Variants in SLC25A22 observed in about 807,000 individuals in gnomAD.
The protein encoded by SLC25A22 is mitochondrial glutamate carrier 1.
Under a neutral mutation model 33.7 loss-of-function variants are expected in SLC25A22, and 23 were observed. The ratio of observed to expected loss-of-function variants is 0.68; its 90% CI spans 0.49 to 0.97. SLC25A22 has a LOEUF of 0.97. SLC25A22 is among the 50% of genes least tolerant of loss of function. SLC25A22 has a pLI of 0.00. For missense variants in SLC25A22, 390 were observed against 451.1 expected (o/e 0.86, Z 1.23); for synonymous variants, 245 against 203.8 (o/e 1.20, Z -1.72).
Position 791,894 on chromosome 11 carries a change from G to A in SLC25A22, c.*21C>T, listed in dbSNP as rs746754610. ...CCACACCGGCCCTGCCCAGCTGGCT[G>A]GGGTGGAGCGGGTGCTGGGCTCAGG... On this transcript the variant is annotated 3_prime_UTR_variant, in exon 10 of 10. Coordinates refer to ENST00000628067, the MANE Select transcript of SLC25A22 (RefSeq NM_001191061.2). 6.3e-7 allele frequency: 1 copy of A among 1,579,276 alleles called. No individual in the cohort carries two copies. The highest frequency in any genetic ancestry group is 8.5e-7 in the Non-Finnish European group (1 of 1,170,110).
Position 795,073 on chromosome 11 carries a change from G to A in SLC25A22, c.-67C>T. ...CCAGGCCAGGCGGGGTGGAGGTGGA[G>A]GTGGAGGAGGCCTTGAGGGAGGGTG... On this transcript the variant is annotated 5_prime_UTR_variant, in exon 2 of 10. Coordinates refer to ENST00000628067, the MANE Select transcript of SLC25A22 (RefSeq NM_001191061.2). 1 of 1,545,272 alleles carries A rather than the reference G, an allele frequency of 6.5e-7. No homozygotes were observed. Among genetic ancestry groups the A allele is most frequent in the Non-Finnish European group, 8.7e-7 (1 of 1,144,620 alleles).
chr11:792,847 C>T (rs1450652539), intron 6 of SLC25A22, 23 bp downstream of exon 6: 6 of 856,608 alleles, frequency 7.0e-6, no homozygotes, highest in African/African-American at 1.6e-5. Flanking sequence ...TCTGCCCTCT[C>T]CTCCCCCTCC....
At position 792,228 on chromosome 11, in the gene SLC25A22, C is replaced by T. The variant is rs904213277; in HGVS notation, c.743-11G>A. Reference sequence around the variant, plus strand: ...GCCGCGTCTTCACCACTGCAAGGGGCGCTCGGGTCAGTGTGAGCCTGGCCA... The same window carrying T: ...GCCGCGTCTTCACCACTGCAAGGGGTGCTCGGGTCAGTGTGAGCCTGGCCA... On this transcript the variant is annotated splice_polypyrimidine_tract_variant and intron_variant, in intron 8 of 9. Coordinates refer to ENST00000628067, the MANE Select transcript of SLC25A22 (RefSeq NM_001191061.2). 10 of 1,612,822 alleles carry T rather than the reference C, an allele frequency of 6.2e-6. No homozygotes were observed. The highest frequency in any genetic ancestry group is 3.3e-4 in the Middle Eastern group (2 of 6,084).
In SLC25A22 at chr11:792,452, G is replaced by A. The variant is rs1864577556; in HGVS notation, c.594C>T (p.Val198=). Residue 198 remains valine, a synonymous_variant, in exon 8 of 10, where the codon GTC becomes GTT. Transcript: ENST00000628067. ...GCGGGAAGTACACCACAGAGAAGGG[G>A]ACATCCCTGTGGGGAGGGAGGTGGC... ...KGLGATLLRD[V]PFSVVYFPLF... 1 of 1,613,358 alleles carries A rather than the reference G, an allele frequency of 6.2e-7. No individual in the cohort carries two copies. The highest frequency in any genetic ancestry group is 8.5e-7 in the Non-Finnish European group (1 of 1,179,934).
At chr11:797,353 G>T (rs768854814) in intron 1 of SLC25A22, among the ~76,000 whole-genome samples, 19 of 152,186 alleles carry the variant, frequency 1.2e-4, no homozygotes, top group Non-Finnish European at 2.5e-4. Flanking sequence ...CCCTCACTCG[G>T]CAGTTCCCAC....
chr11:795,752 C>T (rs1221778711), intron 1 of SLC25A22: 1 of 160,754 alleles, frequency 6.2e-6, no homozygotes, highest in Non-Finnish European at 1.4e-5. Context: ...CTTGCCCGCC[C>T]CTTCCTCCCC....
At position 793,396 on chromosome 11, in the gene SLC25A22, A is replaced by T. The variant is rs559008044; in HGVS notation, c.293+133T>A. 2.1e-4 allele frequency: 169 copies of T among 801,836 alleles called. 1 individual carries two copies. The Admixed American group carries it at 3.1e-3, about 15-fold the overall frequency. The allele number at this position is 801,836 out of a possible 1,614,324, so 49.7% of individuals were successfully genotyped here. On this transcript the variant is annotated intron_variant, in intron 5 of 9. Coordinates refer to ENST00000628067, the MANE Select transcript of SLC25A22 (RefSeq NM_001191061.2). ...CAGGGGAAAGGAGGGAGGGTGCCCC[A>T]CGAGGTCAAAGAAGCCCCAAGCAAG...
At chr11:795,406 CACACG>C (rs1864764651) in intron 1 of SLC25A22, 3 of 368,322 alleles carry the variant, frequency 8.1e-6, no homozygotes, top group African/African-American at 7.2e-5. Flanking sequence ...CAGCCAGCCT[CACACG>C]CCGCTCACGC....
chr11:795,380 AC>A lies in SLC25A22; in HGVS notation c.-163-212del, dbSNP rs1262913151. 7.0e-5 allele frequency: 13 copies of A among 185,892 alleles called. 1 individual carries two copies. Among genetic ancestry groups the A allele is most frequent in the Non-Finnish European group, 1.1e-4 (12 of 105,840 alleles). 11.5% of individuals were successfully genotyped at this position (185,892 alleles called of 1,614,324 possible). A position where few individuals can be genotyped will look rare whatever the true frequency, so the allele number is the denominator to read the frequency against. On this transcript the variant is annotated intron_variant, in intron 1 of 9. Coordinates refer to ENST00000628067, the MANE Select transcript of SLC25A22 (RefSeq NM_001191061.2). ...GCTTCCTTTCAGTCCCCCCCTCCCC[AC>A]CGCCAGCGTCTTCCCAGCCAGCCTC...
At chr11:794,548 C>G in intron 3 of SLC25A22, 35 bp from the exon 4 acceptor site, 2 of 1,608,224 alleles carry the variant, frequency 1.2e-6, no homozygotes, top group South Asian at 1.1e-5. Flanking sequence ...CCAGGGCCAG[C>G]TGGGGCCAGC....
At chr11:794,423 C>T in intron 4 of SLC25A22, 35 bp downstream of exon 4, 4 of 1,607,620 alleles carry the variant, frequency 2.5e-6, no homozygotes, top group Non-Finnish European at 3.4e-6. Context: ...CTACCCAGGC[C>T]TGCCCATATC....
intron 1 of SLC25A22, chr11:796,317 G>GT (rs1279244312): frequency 6.6e-6 from 1 of 151,318 alleles, no homozygotes; most frequent in Admixed American, 6.6e-5. Context: ...GCGGGCTTGG[G>GT]TGGGGGGGCA....
chr11:793,153 G>A (rs1864627298), intron 5 of SLC25A22, among the ~76,000 whole-genome samples, 165 bp from the exon 6 acceptor site: 1 of 152,222 alleles, frequency 6.6e-6, no homozygotes, highest in Admixed American at 6.5e-5. Context: ...AGCAGGCAGG[G>A]AGGAGACCGA....
Position 792,616 on chromosome 11 carries a change from C to T in SLC25A22, c.524G>A (p.Arg175His), listed in dbSNP as rs769329043. The T allele has an allele frequency of 1.9e-5, 31 of 1,605,558 alleles. No individual in the cohort carries two copies. Among genetic ancestry groups the T allele is most frequent in the Middle Eastern group, 1.6e-4 (1 of 6,066 alleles). ...AATGCCACGGCTCCGCAGCAGGTCGCGGGTCAGCTGGGTGGCCGTGGGCCG... is the reference window on the plus strand; with the variant it reads ...AATGCCACGGCTCCGCAGCAGGTCGTGGGTCAGCTGGGTGGCCGTGGGCCG... ...APRPTATQLT[R>H]DLLRSRGIAG... The change falls in exon 7 of 10, where the codon CGC becomes CAC. Residue 175 changes from arginine to histidine, a missense_variant. Coordinates refer to ENST00000628067, the MANE Select transcript of SLC25A22 (RefSeq NM_001191061.2).
rs901337284 is a variant in SLC25A22, at chr11:791,209, G to GCACACACACATA, written c.*694_*705dup. The GCACACACACATA allele has an allele frequency of 6.5e-6, 1 of 154,438 alleles. No homozygotes were observed. Among genetic ancestry groups the GCACACACACATA allele is most frequent in the Non-Finnish European group, 1.4e-5 (1 of 69,810 alleles). The allele number at this position is 154,438 out of a possible 1,614,324, so 9.6% of individuals were successfully genotyped here. ...AGATCCCCACAACACACACACGCAT[G>GCACACACACATA]CACACACACATACACACACACATGC... On this transcript the variant is annotated 3_prime_UTR_variant, in exon 10 of 10. Coordinates refer to ENST00000628067, the MANE Select transcript of SLC25A22 (RefSeq NM_001191061.2).
In SLC25A22 at chr11:793,536, T is replaced by G; in HGVS notation, c.286A>C (p.Lys96Gln). Residue 96 changes from lysine to glutamine, a missense_variant, in exon 5 of 10, where the codon AAG becomes CAG. Coordinates refer to ENST00000628067, the MANE Select transcript of SLC25A22 (RefSeq NM_001191061.2). ...ANDFFRHQLS[K>Q]DGQKLTLLKE... Reference sequence around the variant, plus strand: ...GCCAGGCAGAACCCTCACCCGTCCTTAGAGAGCTGATGTCGGAAGAAGTCG... The same window carrying G: ...GCCAGGCAGAACCCTCACCCGTCCTGAGAGAGCTGATGTCGGAAGAAGTCG... 2 of 1,613,102 alleles carry G rather than the reference T, an allele frequency of 1.2e-6. No individual in the cohort carries two copies. The highest frequency in any genetic ancestry group is 1.7e-6 in the Non-Finnish European group (2 of 1,179,892).
At position 794,526 on chromosome 11, in the gene SLC25A22, G is replaced by A. The variant is rs1482217231; in HGVS notation, c.147-13C>T. 1 of 1,611,800 alleles carries A rather than the reference G, an allele frequency of 6.2e-7. No individual in the cohort carries two copies. Among genetic ancestry groups the A allele is most frequent in the Non-Finnish European group, 8.5e-7 (1 of 1,179,486 alleles). ...GAGGCAGTCGGACCTGTGGCCAAGG[G>A]GACAGGGTGAGCCAGGGCCAGCTGG... On this transcript the variant is annotated splice_polypyrimidine_tract_variant and intron_variant, in intron 3 of 9. Coordinates refer to ENST00000628067, the MANE Select transcript of SLC25A22 (RefSeq NM_001191061.2).
intron 4 of SLC25A22, chr11:793,848 T>G (rs538578405): frequency 1.7e-6 from 1 of 589,790 alleles, no homozygotes; most frequent in Non-Finnish European, 3.0e-6. Context: ...GCTCCATCTG[T>G]CTCTGATTCT....
In SLC25A22 at chr11:792,203, GCCGCGTCTTCA is replaced by G. The variant is rs1565035324; in HGVS notation, c.746_756del (p.Val249AlafsTer164). ...TTGACGCCTCGCTGAAGTGACTGGA[GCCGCGTCTTCA>G]CCACTGCAAGGGGCGCTCGGGTCAG... On this transcript the variant is annotated frameshift_variant, in exon 9 of 10. Coordinates refer to ENST00000628067, the MANE Select transcript of SLC25A22 (RefSeq NM_001191061.2). LOFTEE classifies it high-confidence loss of function. 1 of 1,612,962 alleles carries G rather than the reference GCCGCGTCTTCA, an allele frequency of 6.2e-7. No homozygotes were observed. The highest frequency in any genetic ancestry group is 2.2e-5 in the East Asian group (1 of 44,878).
Sources: allele counts gnomAD v4.1 joint callset (sites outside exome capture counted in the v4.1 genomes callset), GRCh38; gene constraint gnomAD v4.1.1; transcripts MANE v1.5; gene names NCBI Gene and HGNC (gene_info 2026-07-23, HGNC 2026-07-21).